Variants in ADAMTS6 observed in about 807,000 individuals in gnomAD.
ADAMTS6 encodes the protein ADAM metallopeptidase with thrombospondin type 1 motif 6.
A neutral mutation model predicts 144.3 loss-of-function variants in ADAMTS6; 23 were observed. The observed-to-expected ratio is 0.16, with a 90% CI of 0.11 to 0.23. The LOEUF (loss-of-function observed/expected upper bound fraction) is 0.23. Ranked by LOEUF, ADAMTS6 falls within the 10% of genes least tolerant of loss-of-function variation. The pLI, the probability that ADAMTS6 is intolerant of heterozygous loss-of-function variation, is 1.00. For synonymous variants in ADAMTS6, 444 were observed against 457.5 expected (o/e 0.97, Z 0.38); for missense variants, 999 against 1,379.6 (o/e 0.72, Z 4.37).
chr5:65,415,621 T>C, intron 7 of ADAMTS6: 1 of 319,266 alleles, frequency 3.1e-6, no homozygotes, highest in South Asian at 2.8e-5. Flanking sequence ...GAGTCTGAGA[T>C]CACTGATTTT....
rs114793025 is a variant in ADAMTS6 at position 65,221,327 on chromosome 5, C to T, written c.2272+2993G>A. ...AGTGGTTTATATCCCAAGAATACTA[C>T]ATGGATTTTACATTTGAAAATCAAT... On this transcript the variant is annotated intron_variant, in intron 18 of 24. Transcript: ENST00000381055. Among the ~76,000 whole-genome samples the T allele has an allele frequency of 2.8e-3, 426 of 152,308 alleles. 2 individuals are homozygous for T. The highest frequency in any genetic ancestry group is 9.9e-3 in the African/African-American group (412 of 41,572).
intron 7 of ADAMTS6, among the ~76,000 whole-genome samples, chr5:65,370,925 C>G (rs556450376): frequency 6.6e-6 from 1 of 152,344 alleles, no homozygotes; most frequent in East Asian, 1.9e-4. Context: ...AGCTGGAGAT[C>G]TGAGAACGGG....
At chr5:65,215,606 T>C (rs553405717) in intron 18 of ADAMTS6, 119 bp from the exon 19 acceptor site, 1 of 820,076 alleles carries the variant, frequency 1.2e-6, no homozygotes, top group African/African-American at 1.7e-5. Context: ...GATGTGACTC[T>C]TGACCATATT....
At chr5:65,243,456 T>C (rs914964852) in intron 14 of ADAMTS6, among the ~76,000 whole-genome samples, 1 of 152,058 alleles carries the variant, frequency 6.6e-6, no homozygotes, top group East Asian at 1.9e-4. Context: ...ATTCTGAAAA[T>C]AGTGGCAGCA....
chr5:65,370,613 T>C (rs1007167073), intron 7 of ADAMTS6, among the ~76,000 whole-genome samples: 1 of 152,140 alleles, frequency 6.6e-6, no homozygotes, highest in African/African-American at 2.4e-5. Context: ...CGCACCTGGA[T>C]CGGAGGGTCC....
intron 7 of ADAMTS6, among the ~76,000 whole-genome samples, chr5:65,354,193 ATTTAAT>A (rs1749114253): frequency 6.6e-6 from 1 of 151,532 alleles, no homozygotes; most frequent in Non-Finnish European, 1.5e-5. Context: ...CATTTTTTTC[ATTTAAT>A]TTTATCTCTC....
intron 12 of ADAMTS6, among the ~76,000 whole-genome samples, chr5:65,266,013 G>A (rs1761598680): frequency 6.6e-6 from 1 of 151,520 alleles, no homozygotes; most frequent in African/African-American, 2.4e-5. Context: ...AAACACAGCT[G>A]TAGATACACG....
chr5:65,371,562 G>A (rs200690639), intron 7 of ADAMTS6, among the ~76,000 whole-genome samples: 1 of 152,070 alleles, frequency 6.6e-6, no homozygotes, highest in South Asian at 2.1e-4. Context: ...GAGAAGGGAA[G>A]TTTAGAGAAA....
chr5:65,416,610 A>G (rs1463952455), intron 7 of ADAMTS6, among the ~76,000 whole-genome samples: 1 of 152,044 alleles, frequency 6.6e-6, no homozygotes, highest in Non-Finnish European at 1.5e-5. Flanking sequence ...GCATGGCAGC[A>G]GGCACCTGTA....
chr5:65,249,770 T>C (rs1051589312), intron 14 of ADAMTS6, among the ~76,000 whole-genome samples: 3 of 152,250 alleles, frequency 2.0e-5, no homozygotes, highest in African/African-American at 4.8e-5. Flanking sequence ...ATTTGTTTTC[T>C]AATTATAATT....
chr5:65,263,463 T>C, intron 12 of ADAMTS6, among the ~76,000 whole-genome samples: 1 of 148,216 alleles, frequency 6.7e-6, no homozygotes, highest in Admixed American at 6.7e-5. Context: ...TAAAAGAATG[T>C]GTTGTGGCAT....
chr5:65,267,750 T>C (rs1264757565), intron 12 of ADAMTS6, among the ~76,000 whole-genome samples: 1 of 152,172 alleles, frequency 6.6e-6, no homozygotes, highest in East Asian at 1.9e-4. Flanking sequence ...TACCTTTTAA[T>C]ATCCAGTACT....
intron 21 of ADAMTS6, among the ~76,000 whole-genome samples, chr5:65,189,899 A>G (rs538764824): frequency 2.8e-4 from 43 of 152,346 alleles, no homozygotes; most frequent in African/African-American, 9.6e-4. Context: ...TCATGCAGTT[A>G]TTCTCAATGA....
At chr5:65,178,733 G>A (rs1812554) in intron 22 of ADAMTS6, among the ~76,000 whole-genome samples, 98,131 of 152,034 alleles carry the variant, frequency 0.65, 31,870 homozygotes, top group African/African-American at 0.68. Context: ...TGAATATAAA[G>A]GCCCCCCATA....
At chr5:65,160,606 CA>C (rs1462895795) in intron 24 of ADAMTS6, among the ~76,000 whole-genome samples, 2 of 142,488 alleles carry the variant, frequency 1.4e-5, no homozygotes, top group Non-Finnish European at 3.1e-5. Flanking sequence ...GCCCGGCCTC[CA>C]ACTTTCTTCT....
chr5:65,268,585 T>C (rs867498388), intron 12 of ADAMTS6, among the ~76,000 whole-genome samples: 1 of 152,174 alleles, frequency 6.6e-6, no homozygotes. Context: ...CTTTGGTTAA[T>C]GCTACTGTCC....
At chr5:65,314,231 G>T (rs1744769071) in intron 9 of ADAMTS6, among the ~76,000 whole-genome samples, 1 of 152,134 alleles carries the variant, frequency 6.6e-6, no homozygotes, top group Non-Finnish European at 1.5e-5. Context: ...GTCTGAACAT[G>T]CTAAGGACTG....
chr5:65,424,246 T>C (rs1250936627), intron 7 of ADAMTS6, among the ~76,000 whole-genome samples: 1 of 152,040 alleles, frequency 6.6e-6, no homozygotes, highest in African/African-American at 2.4e-5. Flanking sequence ...AGAGAACAAA[T>C]CAAAGCTTTT....
At chr5:65,452,470 A>G (rs1175909594) in intron 5 of ADAMTS6, among the ~76,000 whole-genome samples, 1 of 151,840 alleles carries the variant, frequency 6.6e-6, no homozygotes, top group Non-Finnish European at 1.5e-5. Flanking sequence ...GTTAAAAAAA[A>G]AAAAAAACCC....
Sources: allele counts gnomAD v4.1 joint callset (sites outside exome capture counted in the v4.1 genomes callset), GRCh38; gene constraint gnomAD v4.1.1; transcripts MANE v1.5; gene names NCBI Gene and HGNC (gene_info 2026-07-23, HGNC 2026-07-21).